Variants in FRMD6 observed in about 807,000 individuals in gnomAD.
The protein encoded by FRMD6 is FERM domain containing 6, also known as FERM domain-containing protein 6.
Under a neutral mutation model 73.2 loss-of-function variants are expected in FRMD6, and 37 were observed. That is an observed-to-expected ratio of 0.51 (90% confidence interval 0.39 to 0.66). FRMD6 has a LOEUF of 0.66. FRMD6 is among the 30% of genes least tolerant of loss of function. FRMD6 has a pLI of 0.00. For missense variants in FRMD6, 714 were observed against 780.5 expected, an observed-to-expected ratio of 0.91 and a Z score of 1.02; for synonymous variants, 273 against 282.2, an observed-to-expected ratio of 0.97 and a Z score of 0.33.
the FRMD6 span, among the ~76,000 whole-genome samples, chr14:51,440,099 G>A: frequency 6.6e-6 from 1 of 152,128 alleles, no homozygotes; most frequent in African/African-American, 2.4e-5. Flanking sequence ...CAAAAGATAA[G>A]AAAGCGCAGC....
intron 1 of FRMD6, among the ~76,000 whole-genome samples, chr14:51,532,382 AAAAAAG>A (rs1338050334): frequency 6.6e-6 from 1 of 152,004 alleles, no homozygotes; most frequent in African/African-American, 2.4e-5. Flanking sequence ...AAAAAAAAAA[AAAAAAG>A]AAATTATTAA....
intron 1 of FRMD6, among the ~76,000 whole-genome samples, chr14:51,504,080 C>T (rs923332538): frequency 3.3e-5 from 5 of 152,060 alleles, no homozygotes; most frequent in African/African-American, 7.2e-5. Context: ...GTGATATCCC[C>T]CTTACCATTT....
chr14:51,503,190 C>A (rs1883718459), intron 1 of FRMD6, among the ~76,000 whole-genome samples: 1 of 152,110 alleles, frequency 6.6e-6, no homozygotes, highest in Non-Finnish European at 1.5e-5. Flanking sequence ...CTCTTTGTTT[C>A]CTTTTCTTGT....
At chr14:51,414,157 A>C in the FRMD6 span, among the ~76,000 whole-genome samples, 105 of 152,252 alleles carry the variant, frequency 6.9e-4, no homozygotes, top group African/African-American at 2.5e-3. Context: ...CTTTAGTTTA[A>C]TTAGATCCCA....
the FRMD6 span, among the ~76,000 whole-genome samples, chr14:51,406,314 T>C: frequency 6.6e-6 from 1 of 152,294 alleles, no homozygotes; most frequent in Admixed American, 6.5e-5. Context: ...ATTCATGCTC[T>C]TTTTTGGTTC....
chr14:51,590,081 A>C (rs1325952734), intron 2 of FRMD6, among the ~76,000 whole-genome samples: 1 of 150,890 alleles, frequency 6.6e-6, no homozygotes, highest in Non-Finnish European at 1.5e-5. Flanking sequence ...AAAAAAAAAA[A>C]AAAATCAGGT....
intron 2 of FRMD6, among the ~76,000 whole-genome samples, chr14:51,697,038 A>G (rs1401197980): frequency 6.6e-6 from 1 of 152,186 alleles, no homozygotes; most frequent in Non-Finnish European, 1.5e-5. Flanking sequence ...GATGTGGAGA[A>G]AAGGGAACCC....
At chr14:51,406,237 G>T in the FRMD6 span, among the ~76,000 whole-genome samples, 1 of 152,134 alleles carries the variant, frequency 6.6e-6, no homozygotes, top group East Asian at 1.9e-4. Flanking sequence ...TAGCCCTGTA[G>T]TATAGTTTGA....
At chr14:51,575,387 T>C (rs1327097004) in intron 2 of FRMD6, among the ~76,000 whole-genome samples, 1 of 152,182 alleles carries the variant, frequency 6.6e-6, no homozygotes, top group Non-Finnish European at 1.5e-5. Context: ...TCCCTGAACA[T>C]CAGGACTTTG....
chr14:51,484,244 G>C (rs1159582630), upstream of FRMD6, among the ~76,000 whole-genome samples: 1 of 152,208 alleles, frequency 6.6e-6, no homozygotes, highest in Non-Finnish European at 1.5e-5. Context: ...ATGAATTGCT[G>C]ATCTGACCTG....
chr14:51,704,913 C>T lies in FRMD6; in HGVS notation c.536C>T (p.Pro179Leu). ...RNKHYGKYFE[P>L]EAYFPSWVVS... ...AAGCACTATGGAAAATACTTCGAGCCAGAGGCTTACTTCCCATCTTGGGTA... is the reference window on the plus strand; with the variant it reads ...AAGCACTATGGAAAATACTTCGAGCTAGAGGCTTACTTCCCATCTTGGGTA... Residue 179 changes from proline (P) to leucine (L), a missense_variant, in exon 6 of 14, where the codon CCA (proline) becomes CTA (leucine). Physicochemically the swap from Pro to Leu is moderately conservative, Grantham distance 98. Coordinates refer to ENST00000344768, the MANE Select transcript of FRMD6 (RefSeq NM_001267046.2). The T allele has an allele frequency of 2.5e-6, 4 of 1,609,292 alleles. No individual in the cohort carries two copies. Among genetic ancestry groups the T allele is most frequent in the Non-Finnish European group, 3.4e-6 (4 of 1,176,688 alleles).
chr14:51,467,556 C>A, the FRMD6 span, among the ~76,000 whole-genome samples: 1 of 147,696 alleles, frequency 6.8e-6, no homozygotes, highest in African/African-American at 2.5e-5. Flanking sequence ...GCAGAGGCGC[C>A]CCCAACCTCC....
At position 51,710,455 on chromosome 14, in the gene FRMD6, T is replaced by C. The variant is rs182379106; in HGVS notation, c.715-1076T>C. ...AGCATAGCCTTATTTTGGAAAGCAA[T>C]CTGTACATCCTTGAAAGCGAAATTG... On this transcript the variant is annotated intron_variant, in intron 7 of 13. Coordinates refer to ENST00000344768, the MANE Select transcript of FRMD6 (RefSeq NM_001267046.2). Among the ~76,000 whole-genome samples the C allele has an allele frequency of 6.8e-4, 103 of 152,276 alleles. 3 individuals carry two copies. Among genetic ancestry groups the C allele is most frequent in the Admixed American group, 5.1e-3 (78 of 15,282 alleles).
chr14:51,503,929 G>T (rs2140224749), intron 1 of FRMD6, among the ~76,000 whole-genome samples: 1 of 151,936 alleles, frequency 6.6e-6, no homozygotes, highest in South Asian at 2.1e-4. Flanking sequence ...GGTCTATTCA[G>T]GGATTCAATT....
the FRMD6 span, among the ~76,000 whole-genome samples, chr14:51,464,685 G>C: frequency 0.019 from 2,946 of 152,252 alleles, 102 homozygotes; most frequent in African/African-American, 0.068. Context: ...AGGAGGTGTT[G>C]TCCGAGGGGC....
intron 2 of FRMD6, among the ~76,000 whole-genome samples, chr14:51,643,971 TTGAA>T (rs1352886275): frequency 2.0e-5 from 3 of 149,758 alleles, no homozygotes; most frequent in African/African-American, 7.3e-5. Flanking sequence ...TTCACTTTAG[TTGAA>T]TGATTTCTTA....
rs746260788 is a variant in FRMD6 at position 51,702,529 on chromosome 14, G to A, written c.312G>A (p.Gly104=). The change falls in exon 5 of 14, where the codon GGG becomes GGA. Residue 104 remains glycine, a synonymous_variant. Coordinates refer to ENST00000344768, the MANE Select transcript of FRMD6 (RefSeq NM_001267046.2). The part of the protein sequence containing the change: ...YEVTWGIDQF[G]PPMIIHFRVQ... ...GTTTCTAGGGTATCGACCAATTTGG[G>A]CCTCCTATGATCATCCACTTCCGTG... The A allele has an allele frequency of 1.9e-6, 3 of 1,611,574 alleles. No individual in the cohort carries two copies. Among genetic ancestry groups the A allele is most frequent in the Non-Finnish European group, 1.7e-6 (2 of 1,178,336 alleles).
the FRMD6 span, among the ~76,000 whole-genome samples, chr14:51,398,979 C>G: frequency 1.2e-4 from 19 of 152,148 alleles, no homozygotes; most frequent in Non-Finnish European, 2.5e-4. Context: ...CGGGCCCTAG[C>G]CTGATGCTCC....
the FRMD6 span, among the ~76,000 whole-genome samples, chr14:51,458,158 T>C: frequency 6.6e-6 from 1 of 152,236 alleles, no homozygotes; most frequent in Admixed American, 6.5e-5. Flanking sequence ...TATGTTGTCA[T>C]TTTTAATGAT....
Sources: gnomAD v4.1 joint callset for allele counts (sites outside exome capture counted in the v4.1 genomes callset) on GRCh38, gnomAD v4.1.1 for gene constraint, MANE v1.5 for transcripts, NCBI Gene and HGNC (gene_info 2026-07-23, HGNC 2026-07-21) for gene names.